Variants in HRH1 observed in about 807,000 individuals in gnomAD.
HRH1 encodes histamine H1 receptor.
HRH1 carries 6 observed loss-of-function variants against 10.3 expected under a neutral mutation model. The observed-to-expected ratio is 0.58, with a 90% CI of 0.32 to 1.15. HRH1 has a LOEUF of 1.15. HRH1 is among the 50% of genes most tolerant of loss of function. The pLI is 0.05. For missense variants in HRH1, 514 were observed against 615.3 expected, an observed-to-expected ratio of 0.84 and a Z score of 1.74; for synonymous variants, 242 against 236.7, an observed-to-expected ratio of 1.02 and a Z score of -0.21.
chr3:11,260,575 T>G lies in HRH1; in HGVS notation c.*74T>G. 7.1e-7 allele frequency: 1 copy of G among 1,410,336 alleles called. No individual in the cohort carries two copies. Among genetic ancestry groups the G allele is most frequent in the Non-Finnish European group, 9.7e-7 (1 of 1,035,922 alleles). 87.4% of individuals were successfully genotyped at this position (1,410,336 alleles called of 1,614,324 possible). On this transcript the variant is annotated 3_prime_UTR_variant, in exon 2 of 2. Transcript: ENST00000431010. ...AGGAAATAGAGGACGAAGGCCTGTG[T>G]GTTGCCAGGCAGGCACCTGGGCTTT... is the stretch of plus-strand genomic sequence containing the variant.
chr3:11,193,838 G>A (rs1169087070), intron 1 of HRH1, among the ~76,000 whole-genome samples: 1 of 152,218 alleles, frequency 6.6e-6, no homozygotes, highest in African/African-American at 2.4e-5. Context: ...GGAGAGGTTA[G>A]AATTTCAACA....
At chr3:11,226,469 T>C (rs1938884850) in intron 1 of HRH1, 2 of 152,374 alleles carry the variant, frequency 1.3e-5, no homozygotes, top group Admixed American at 1.3e-4. Flanking sequence ...GCTGGCGCTA[T>C]GTAGCGACAG....
chr3:11,191,414 C>G (rs937388590), intron 1 of HRH1, among the ~76,000 whole-genome samples: 2 of 152,168 alleles, frequency 1.3e-5, no homozygotes, highest in Non-Finnish European at 2.9e-5. Context: ...CCACCTCCCC[C>G]TCTTCCCATA....
At chr3:11,182,312 C>T (rs1937373581) in intron 1 of HRH1, among the ~76,000 whole-genome samples, 1 of 152,140 alleles carries the variant, frequency 6.6e-6, no homozygotes, top group South Asian at 2.1e-4. Context: ...CTGGATATTG[C>T]CCCTTATCAG....
intron 1 of HRH1, among the ~76,000 whole-genome samples, chr3:11,251,794 T>C (rs1283732310): frequency 6.6e-6 from 1 of 152,234 alleles, no homozygotes; most frequent in East Asian, 1.9e-4. Context: ...TGATTTAGGA[T>C]AGTTCTGTTC....
Position 11,261,037 on chromosome 3 carries a change from G to A in HRH1, c.*536G>A, listed in dbSNP as rs897322413. ...GGTCACCTTGAGAGGCATGACAGCTGTTCCACAGGGGCTATCCCTTCTCAG... is the reference window on the plus strand; with the variant it reads ...GGTCACCTTGAGAGGCATGACAGCTATTCCACAGGGGCTATCCCTTCTCAG... On this transcript the variant is annotated 3_prime_UTR_variant, in exon 2 of 2. Coordinates refer to ENST00000431010, the MANE Select transcript of HRH1 (RefSeq NM_001098212.2). The A allele has an allele frequency of 2.4e-5, 4 of 167,546 alleles. No individual in the cohort carries two copies. The highest frequency in any genetic ancestry group is 9.6e-5 in the African/African-American group (4 of 41,474). 10.4% of individuals were successfully genotyped at this position (167,546 alleles called of 1,614,324 possible). A position where few individuals can be genotyped will look rare whatever the true frequency, so the allele number is the denominator to read the frequency against.
At chr3:11,156,108 A>G (rs1278077669) in intron 1 of HRH1, among the ~76,000 whole-genome samples, 1 of 152,224 alleles carries the variant, frequency 6.6e-6, no homozygotes, top group Non-Finnish European at 1.5e-5. Flanking sequence ...AAAGCCAGGC[A>G]GCAGGTCCAC....
intron 1 of HRH1, among the ~76,000 whole-genome samples, chr3:11,176,675 A>T (rs1937254550): frequency 6.6e-6 from 1 of 152,174 alleles, no homozygotes; most frequent in Admixed American, 6.5e-5. Flanking sequence ...GGAGAGGAAA[A>T]CTTAATGATT....
intron 1 of HRH1, among the ~76,000 whole-genome samples, chr3:11,165,198 T>A (rs1937007239): frequency 6.6e-6 from 1 of 152,236 alleles, no homozygotes; most frequent in Non-Finnish European, 1.5e-5. Context: ...TTCACTGTGC[T>A]GCAAAGCCCC....
At chr3:11,202,403 T>C (rs1937956390) in intron 1 of HRH1, among the ~76,000 whole-genome samples, 1 of 133,044 alleles carries the variant, frequency 7.5e-6, no homozygotes, top group Admixed American at 8.2e-5. Context: ...AGACTCCATC[T>C]CAATAAATAA....
intron 1 of HRH1, among the ~76,000 whole-genome samples, chr3:11,207,258 TG>T (rs2125031641): frequency 6.6e-6 from 1 of 152,032 alleles, no homozygotes; most frequent in African/African-American, 2.4e-5. Context: ...TTCAGAGTGA[TG>T]GGTCCTAGAA....
At chr3:11,242,039 G>C (rs1207499044) in intron 1 of HRH1, among the ~76,000 whole-genome samples, 1 of 152,108 alleles carries the variant, frequency 6.6e-6, no homozygotes, top group Non-Finnish European at 1.5e-5. Context: ...ACGGAACATG[G>C]GAGGGGACAA....
At position 11,247,855 on chromosome 3, in the gene HRH1, A is replaced by G. The variant is rs114533880; in HGVS notation, c.-35-11148A>G. ...GGAGGTTTTGGTGAGCGCTGTTTCT[A>G]TAAGTCTTTGCACTAAACCGCAAAT... is the stretch of plus-strand genomic sequence containing the variant. On this transcript the variant is annotated intron_variant, in intron 1 of 1. Coordinates refer to ENST00000431010, the MANE Select transcript of HRH1 (RefSeq NM_001098212.2). Among the ~76,000 whole-genome samples, 1,434 of 152,296 alleles carry G rather than the reference A, an allele frequency of 9.4e-3. 29 individuals carry two copies. Among genetic ancestry groups the G allele is most frequent in the African/African-American group, 0.033 (1,357 of 41,536 alleles).
In HRH1 at chr3:11,180,390, T is replaced by A. The variant is rs1937329264; in HGVS notation, c.-36+25836T>A. 2.0e-5 allele frequency among the ~76,000 whole-genome samples: 3 copies of A among 152,138 alleles called. No homozygotes were observed. In the South Asian group the frequency reaches 6.2e-4, roughly 32 times the overall value. On this transcript the variant is annotated intron_variant, in intron 1 of 1. Coordinates refer to ENST00000431010, the MANE Select transcript of HRH1 (RefSeq NM_001098212.2). Reference sequence around the variant, plus strand: ...AGATCAACAGGTATTAGTTAGATTCTCGTAAGGAGCGTGCAACCTAGATCC... The same window carrying A: ...AGATCAACAGGTATTAGTTAGATTCACGTAAGGAGCGTGCAACCTAGATCC...
intron 1 of HRH1, among the ~76,000 whole-genome samples, chr3:11,167,062 A>T (rs1270421538): frequency 8.7e-4 from 1 of 1,150 alleles, no homozygotes; most frequent in African/African-American, 3.3e-3. Flanking sequence ...GACCAGTGAC[A>T]TCTGCTGGTC....
At chr3:11,228,846 G>A (rs1938965090) in intron 1 of HRH1, among the ~76,000 whole-genome samples, 1 of 151,054 alleles carries the variant, frequency 6.6e-6, no homozygotes, top group African/African-American at 2.4e-5. Flanking sequence ...CCCAGGAGGT[G>A]AAGTTTGCAG....
chr3:11,241,695 G>A (rs142527366), intron 1 of HRH1, among the ~76,000 whole-genome samples: 1 of 152,094 alleles, frequency 6.6e-6, no homozygotes, highest in East Asian at 1.9e-4. Context: ...AATTAGCTGG[G>A]TGTGGTAGCG....
intron 1 of HRH1, among the ~76,000 whole-genome samples, chr3:11,254,445 A>C (rs2152588024): frequency 6.6e-6 from 1 of 152,330 alleles, no homozygotes; most frequent in East Asian, 1.9e-4. Flanking sequence ...TTACTCACAC[A>C]CTTTCAACCT....
At position 11,260,493 on chromosome 3, in the gene HRH1, C is replaced by G. The variant is rs749997385; in HGVS notation, c.1456C>G (p.Arg486Gly). The G allele has an allele frequency of 5.6e-6, 9 of 1,596,870 alleles. No homozygotes were observed. The highest frequency in any genetic ancestry group is 7.7e-6 in the Non-Finnish European group (9 of 1,170,478). Reference protein sequence around the residue: ...KKTFKRILHIRS With the variant: ...KKTFKRILHIGS ...GACATTCAAGAGAATTCTGCATATT[C>G]GCTCCTAAGGGAGGCTCTGAGGGGA... The change falls in exon 2 of 2, where the codon CGC (arginine) becomes GGC (glycine). Residue 486 changes from arginine to glycine, a missense_variant. Coordinates refer to ENST00000431010, the MANE Select transcript of HRH1 (RefSeq NM_001098212.2).
Sources: allele counts gnomAD v4.1 joint callset (sites outside exome capture counted in the v4.1 genomes callset), GRCh38; gene constraint gnomAD v4.1.1; transcripts MANE v1.5; gene names NCBI Gene and HGNC (gene_info 2026-07-23, HGNC 2026-07-21).